Variants in BMPR1B observed in about 807,000 individuals in gnomAD.
BMPR1B encodes bone morphogenetic protein receptor type-1B.
BMPR1B carries 12 observed loss-of-function variants against 59.1 expected under a neutral mutation model. The observed-to-expected ratio is 0.20, with a 90% CI of 0.13 to 0.33. BMPR1B has a LOEUF of 0.33. Among genes scored for constraint, BMPR1B ranks in the 10% least tolerant of loss-of-function variants. The pLI is 1.00. For missense variants in BMPR1B, 550 were observed against 610.9 expected (o/e 0.90, Z 1.05); for synonymous variants, 237 against 207.3 (o/e 1.14, Z -1.23).
At chr4:95,001,787 G>C (rs756083294) in intron 3 of BMPR1B, among the ~76,000 whole-genome samples, 1 of 152,074 alleles carries the variant, frequency 6.6e-6, no homozygotes, top group Non-Finnish European at 1.5e-5. Context: ...AATCGAAGAC[G>C]TAGAGGGGGG....
intron 2 of BMPR1B, among the ~76,000 whole-genome samples, chr4:94,883,635 A>G (rs537897511): frequency 6.6e-6 from 1 of 151,984 alleles, no homozygotes; most frequent in Admixed American, 6.6e-5. Flanking sequence ...TATATGTATT[A>G]AGGAATATAT....
chr4:95,072,460 G>A (rs1299671792), intron 3 of BMPR1B, among the ~76,000 whole-genome samples: 5 of 152,164 alleles, frequency 3.3e-5, no homozygotes, highest in African/African-American at 1.2e-4. Flanking sequence ...TCTAGGGATT[G>A]AGCAAGAAGG....
intron 3 of BMPR1B, among the ~76,000 whole-genome samples, chr4:95,093,617 G>A (rs1037872934): frequency 1.3e-5 from 2 of 151,808 alleles, no homozygotes; most frequent in African/African-American, 4.8e-5. Context: ...TTATGTCATA[G>A]TCTGGTATCA....
chr4:95,137,564 A>C (rs1300010861), intron 10 of BMPR1B, among the ~76,000 whole-genome samples: 1 of 152,110 alleles, frequency 6.6e-6, no homozygotes, highest in Non-Finnish European at 1.5e-5. Context: ...GTAGGTCTCT[A>C]AGGACTCGCT....
At chr4:95,033,785 G>T (rs1247013449) in intron 3 of BMPR1B, among the ~76,000 whole-genome samples, 1 of 152,096 alleles carries the variant, frequency 6.6e-6, no homozygotes, top group Non-Finnish European at 1.5e-5. Context: ...ATTTTTTAAA[G>T]ATATCAAAGA....
At chr4:95,031,359 A>G (rs1283539085) in intron 3 of BMPR1B, among the ~76,000 whole-genome samples, 1 of 152,180 alleles carries the variant, frequency 6.6e-6, no homozygotes, top group African/African-American at 2.4e-5. Context: ...ACCCTGAGGT[A>G]CATGTGAGGT....
At chr4:94,879,955 T>C (rs1362411631) in intron 2 of BMPR1B, among the ~76,000 whole-genome samples, 1 of 152,320 alleles carries the variant, frequency 6.6e-6, no homozygotes, top group Middle Eastern at 3.4e-3. Flanking sequence ...TAATTAGTTA[T>C]AGATTTGTTA....
intron 2 of BMPR1B, among the ~76,000 whole-genome samples, chr4:94,974,009 A>G (rs1024849015): frequency 1.3e-5 from 2 of 152,210 alleles, no homozygotes; most frequent in Non-Finnish European, 2.9e-5. Context: ...GTTTATGTCA[A>G]TTCATGCTTC....
chr4:94,833,186 CTT>C (rs1724668456), intron 1 of BMPR1B, among the ~76,000 whole-genome samples: 1 of 96,102 alleles, frequency 1.0e-5, no homozygotes, highest in African/African-American at 5.0e-5. Context: ...GGCAGAGACT[CTT>C]TCTCAAAAAA....
At chr4:95,002,776 A>G (rs982354619) in intron 3 of BMPR1B, among the ~76,000 whole-genome samples, 9 of 152,182 alleles carry the variant, frequency 5.9e-5, no homozygotes, top group African/African-American at 2.2e-4. Context: ...TTCACTTTAA[A>G]TAAGTATTAC....
At chr4:94,938,092 A>C (rs1207630489) in intron 2 of BMPR1B, among the ~76,000 whole-genome samples, 3 of 152,168 alleles carry the variant, frequency 2.0e-5, no homozygotes, top group Non-Finnish European at 2.9e-5. Context: ...GGGGTACATG[A>C]GACAGAAAGA....
chr4:94,856,032 G>C (rs916875), intron 1 of BMPR1B, among the ~76,000 whole-genome samples: 1 of 152,024 alleles, frequency 6.6e-6, no homozygotes, highest in Non-Finnish European at 1.5e-5. Flanking sequence ...GGCCCAGGGG[G>C]AATACAACAA....
intron 6 of BMPR1B, among the ~76,000 whole-genome samples, chr4:95,121,974 G>T (rs1732562486): frequency 6.6e-6 from 1 of 152,148 alleles, no homozygotes; most frequent in African/African-American, 2.4e-5. Flanking sequence ...AGAATCTTTA[G>T]AATCTCCTGA....
intron 1 of BMPR1B, among the ~76,000 whole-genome samples, chr4:94,793,120 T>A (rs940328896): frequency 1.9e-4 from 29 of 152,244 alleles, no homozygotes; most frequent in African/African-American, 6.7e-4. Flanking sequence ...GCACCCACTA[T>A]CTCGTCATTT....
intron 1 of BMPR1B, among the ~76,000 whole-genome samples, chr4:94,770,955 C>T (rs967163703): frequency 2.6e-5 from 4 of 151,094 alleles, no homozygotes; most frequent in South Asian, 4.2e-4. Context: ...TAAATTCTTC[C>T]GTGACCTTAT....
chr4:95,037,927 G>T (rs1725380842), intron 3 of BMPR1B, among the ~76,000 whole-genome samples: 1 of 152,198 alleles, frequency 6.6e-6, no homozygotes, highest in Non-Finnish European at 1.5e-5. Context: ...TTGTACTCAA[G>T]TGGGGCTGAG....
chr4:95,067,209 T>C (rs2149214280), intron 3 of BMPR1B, among the ~76,000 whole-genome samples: 1 of 152,298 alleles, frequency 6.6e-6, no homozygotes, highest in East Asian at 1.9e-4. Context: ...ACAGATTTAA[T>C]AGGGCCTAGA....
intron 1 of BMPR1B, among the ~76,000 whole-genome samples, chr4:94,828,222 T>C (rs1209488788): frequency 1.3e-5 from 2 of 152,202 alleles, no homozygotes; most frequent in East Asian, 1.9e-4. Context: ...GATCTTGATA[T>C]TTACCTCACA....
intron 1 of BMPR1B, among the ~76,000 whole-genome samples, chr4:94,766,494 C>T (rs918574466): frequency 6.6e-6 from 1 of 151,034 alleles, no homozygotes; most frequent in Admixed American, 6.6e-5. Flanking sequence ...ACTTCCAGCC[C>T]TATACCTGTG....
Sources: gnomAD v4.1 joint callset for allele counts (sites outside exome capture counted in the v4.1 genomes callset) on GRCh38, gnomAD v4.1.1 for gene constraint, MANE v1.5 for transcripts, NCBI Gene and HGNC (gene_info 2026-07-23, HGNC 2026-07-21) for gene names.